Variants in RBFOX1 observed in about 807,000 individuals in gnomAD.
RBFOX1 encodes the protein RNA binding protein fox-1 homolog 1.
A neutral mutation model predicts 57.7 loss-of-function variants in RBFOX1; 8 were observed. That is an observed-to-expected ratio of 0.14 (90% CI 0.08 to 0.25). The LOEUF (loss-of-function observed/expected upper bound fraction) is 0.25, where lower values mean the gene tolerates loss of function less well. Among genes scored for constraint, RBFOX1 ranks in the 10% least tolerant of loss-of-function variants. RBFOX1 has a pLI of 1.00. For synonymous variants in RBFOX1, 326 were observed against 222.4 expected (o/e 1.47, Z -4.15); for missense variants, 611 against 548.5 (o/e 1.11, Z -1.14).
Position 5,569,438 on chromosome 16 carries a change from C to CTTTTTTTTTTTTTTTTTTTTTTTT in RBFOX1, c.259-29458_259-29435dup, listed in dbSNP as rs796279138. ...GTAAGGGTTAATGATAAGAAGTAAC[C>CTTTTTTTTTTTTTTTTTTTTTTTT]TTTTTTTTTTTTTTTTTTTTTTTTT... On this transcript the variant is annotated intron_variant, in intron 2 of 2. Transcript: ENST00000585867. Among the ~76,000 whole-genome samples the CTTTTTTTTTTTTTTTTTTTTTTTT allele has an allele frequency of 2.6e-4, 13 of 49,208 alleles. 1 individual carries two copies. The highest frequency in any genetic ancestry group is 9.7e-4 in the East Asian group (1 of 1,026). The allele number at this position is 49,208 out of a possible 152,430, so 32.3% of individuals were successfully genotyped here. A position where few individuals can be genotyped will look rare whatever the true frequency, so the allele number is the denominator to read the frequency against.
At chr16:6,447,160 C>G (rs1159172927) in intron 2 of RBFOX1, among the ~76,000 whole-genome samples, 1 of 152,026 alleles carries the variant, frequency 6.6e-6, no homozygotes, top group Non-Finnish European at 1.5e-5. Context: ...TTTTTTCCTT[C>G]AAGCGTTGCA....
intron 1 of RBFOX1, among the ~76,000 whole-genome samples, chr16:5,333,231 G>T (rs2151278843): frequency 6.6e-6 from 1 of 152,262 alleles, no homozygotes; most frequent in Non-Finnish European, 1.5e-5. Flanking sequence ...AGATAAGATT[G>T]ATCATTAAAT....
At chr16:6,631,732 G>T (rs1245903940) in intron 2 of RBFOX1, among the ~76,000 whole-genome samples, 1 of 152,180 alleles carries the variant, frequency 6.6e-6, no homozygotes, top group Non-Finnish European at 1.5e-5. Flanking sequence ...GCTCACTGAT[G>T]AGCTGGTGTC....
intron 3 of RBFOX1, among the ~76,000 whole-genome samples, chr16:6,806,577 G>A (rs1215616145): frequency 1.3e-5 from 2 of 151,838 alleles, no homozygotes; most frequent in Non-Finnish European, 2.9e-5. Flanking sequence ...TAAAGAGCCT[G>A]AACTAGTTCC....
intron 4 of RBFOX1, among the ~76,000 whole-genome samples, chr16:5,961,698 TG>T (rs2059753119): frequency 6.6e-6 from 1 of 152,076 alleles, no homozygotes. Context: ...GTTTCTTTTT[TG>T]TAAATTTTGG....
At chr16:7,457,888 C>T (rs1330244850) in intron 4 of RBFOX1, among the ~76,000 whole-genome samples, 2 of 152,124 alleles carry the variant, frequency 1.3e-5, no homozygotes, top group South Asian at 2.1e-4. Context: ...CCCCAATACT[C>T]TAATGTCCAG....
chr16:6,080,921 T>C (rs2095991560), intron 1 of RBFOX1, among the ~76,000 whole-genome samples: 1 of 152,176 alleles, frequency 6.6e-6, no homozygotes, highest in Admixed American at 6.5e-5. Flanking sequence ...ATCAAAGACA[T>C]AGTCTGCATT....
intron 2 of RBFOX1, among the ~76,000 whole-genome samples, chr16:5,538,749 C>T (rs1158799598): frequency 6.6e-6 from 1 of 151,902 alleles, no homozygotes; most frequent in African/African-American, 2.4e-5. Flanking sequence ...GCCTTAGACT[C>T]CCGAGTAGCT....
chr16:6,669,145 G>A (rs1200427822), intron 3 of RBFOX1, among the ~76,000 whole-genome samples: 3 of 152,118 alleles, frequency 2.0e-5, no homozygotes, highest in African/African-American at 7.2e-5. Flanking sequence ...GTTGATCAAG[G>A]TCAGAAAACC....
chr16:6,634,552 T>A (rs1179351937), intron 2 of RBFOX1, among the ~76,000 whole-genome samples: 1 of 147,444 alleles, frequency 6.8e-6, no homozygotes, highest in East Asian at 1.9e-4. Context: ...TTAATTTAAA[T>A]ATAAAAGTAT....
At position 7,406,701 on chromosome 16, in the gene RBFOX1, T is replaced by A. The variant is rs144815640; in HGVS notation, c.28-111446T>A. ...CTGAGTCCCTTTTCAGTTACTGCTT[T>A]GGCAAATTACTACAAATTCCGTGGC... On this transcript the variant is annotated intron_variant, in intron 4 of 15. Transcript: ENST00000550418. 3.3e-5 allele frequency among the ~76,000 whole-genome samples: 5 copies of A among 152,354 alleles called. No homozygotes were observed. In the East Asian group the frequency reaches 9.7e-4, roughly 29 times the overall value.
intron 1 of RBFOX1, among the ~76,000 whole-genome samples, chr16:6,104,368 G>T (rs929285854): frequency 2.6e-5 from 4 of 152,150 alleles, no homozygotes; most frequent in African/African-American, 9.7e-5. Flanking sequence ...TCTTCCAAGA[G>T]TCAAGTGACA....
intron 3 of RBFOX1, among the ~76,000 whole-genome samples, chr16:5,612,077 C>T (rs1034375134): frequency 1.3e-5 from 2 of 151,132 alleles, no homozygotes; most frequent in African/African-American, 4.9e-5. Flanking sequence ...CTCCCACCCA[C>T]CTACTCTCCC....
chr16:7,542,811 G>GT (rs2083315138), intron 5 of RBFOX1, among the ~76,000 whole-genome samples: 1 of 59,730 alleles, frequency 1.7e-5, no homozygotes. Context: ...GACTGTCTGA[G>GT]GAAAAAAAAA....
intron 4 of RBFOX1, among the ~76,000 whole-genome samples, chr16:7,459,991 G>C (rs2059240903): frequency 1.3e-5 from 2 of 152,098 alleles, no homozygotes; most frequent in African/African-American, 2.4e-5. Context: ...AATAAAATTA[G>C]TTTAAACAAG....
At chr16:6,519,574 G>C (rs1056050965) in intron 2 of RBFOX1, among the ~76,000 whole-genome samples, 1 of 152,124 alleles carries the variant, frequency 6.6e-6, no homozygotes, top group Admixed American at 6.5e-5. Flanking sequence ...GGTGGTACAT[G>C]CCTGCAATTC....
intron 3 of RBFOX1, among the ~76,000 whole-genome samples, chr16:5,837,427 G>C (rs867011962): frequency 6.6e-6 from 1 of 152,028 alleles, no homozygotes; most frequent in Non-Finnish European, 1.5e-5. Context: ...GTCTGACTCA[G>C]ACATGGGCTT....
At chr16:7,043,348 T>C (rs1047577763) in intron 3 of RBFOX1, among the ~76,000 whole-genome samples, 4 of 152,210 alleles carry the variant, frequency 2.6e-5, no homozygotes, top group African/African-American at 9.7e-5. Context: ...AAATAAAATG[T>C]ACAATGTGTC....
chr16:6,610,776 C>G (rs778912404), intron 2 of RBFOX1, among the ~76,000 whole-genome samples: 16 of 152,200 alleles, frequency 1.1e-4, no homozygotes, highest in Non-Finnish European at 2.1e-4. Context: ...AACAAAATGT[C>G]TGTGACTTTC....
Sources: allele counts gnomAD v4.1 joint callset (sites outside exome capture counted in the v4.1 genomes callset), GRCh38; gene constraint gnomAD v4.1.1; transcripts MANE v1.5; gene names NCBI Gene and HGNC (gene_info 2026-07-23, HGNC 2026-07-21).